CNTN4: variants seen among roughly 807,000 people sequenced by gnomAD.
The protein encoded by CNTN4 is contactin-4.
A neutral mutation model predicts 122.5 loss-of-function variants in CNTN4; 77 were observed. That is an observed-to-expected ratio of 0.63 (90% CI 0.52 to 0.76). The LOEUF (loss-of-function observed/expected upper bound fraction) is 0.76, where lower values mean the gene tolerates loss of function less well. Ranked by LOEUF, CNTN4 falls within the 30% of genes least tolerant of loss-of-function variation. The pLI, the probability that CNTN4 is intolerant of heterozygous loss-of-function variation, is 0.00. For synonymous variants in CNTN4, 512 were observed against 447.0 expected, an observed-to-expected ratio of 1.15 and a Z score of -1.83; for missense variants, 1,256 against 1,259.1, an observed-to-expected ratio of 1.00 and a Z score of 0.04.
intron 6 of CNTN4, among the ~76,000 whole-genome samples, chr3:2,771,562 G>T (rs1291163450): frequency 1.3e-5 from 2 of 152,032 alleles, no homozygotes; most frequent in African/African-American, 4.8e-5. Context: ...AGTATCAATG[G>T]CCATTTTAAG....
intron 4 of CNTN4, among the ~76,000 whole-genome samples, chr3:2,668,799 T>C (rs2084324754): frequency 6.6e-6 from 1 of 152,232 alleles, no homozygotes; most frequent in Admixed American, 6.5e-5. Flanking sequence ...GTTTTTAGCA[T>C]GAAGGGCTGT....
At chr3:2,550,865 C>G (rs1013489663) in intron 3 of CNTN4, among the ~76,000 whole-genome samples, 15 of 152,070 alleles carry the variant, frequency 9.9e-5, no homozygotes, top group African/African-American at 3.1e-4. Context: ...AAACCAAACA[C>G]CACATGTTAT....
chr3:2,252,240 A>G (rs1172484348), intron 2 of CNTN4, among the ~76,000 whole-genome samples: 1 of 152,012 alleles, frequency 6.6e-6, no homozygotes, highest in Non-Finnish European at 1.5e-5. Context: ...AAAGTTTTTT[A>G]TTATAATGTA....
chr3:2,553,651 G>A (rs1039111348), intron 3 of CNTN4, among the ~76,000 whole-genome samples: 1 of 152,104 alleles, frequency 6.6e-6, no homozygotes, highest in Non-Finnish European at 1.5e-5. Flanking sequence ...CAGTATTTTT[G>A]GGGGAGATGG....
rs1262759822 is a variant in CNTN4, at chr3:2,900,743, C to T, written c.999C>T (p.Val333=). ...TTCACGTGGCCATGGAAGAAAATGT[C>T]TTTTGGGAATGTAAAGCAAATGGAA... ...NDIHVAMEEN[V]FWECKANGRP... is the part of the protein sequence containing the mutation. The change falls in exon 11 of 25, where the codon GTC becomes GTT. Residue 333 remains valine (V), a synonymous_variant. Coordinates refer to ENST00000418658, the MANE Select transcript of CNTN4 (RefSeq NM_175607.3). 6.2e-7 allele frequency: 1 copy of T among 1,613,912 alleles called. No individual in the cohort carries two copies. The highest frequency in any genetic ancestry group is 2.2e-5 in the East Asian group (1 of 44,878).
intron 10 of CNTN4, among the ~76,000 whole-genome samples, chr3:2,895,073 C>T (rs1436551779): frequency 1.3e-5 from 2 of 152,056 alleles, no homozygotes; most frequent in Non-Finnish European, 2.9e-5. Context: ...GATCTCAGCT[C>T]ACCGTGATTC....
chr3:2,470,682 CT>C (rs1310841095), intron 3 of CNTN4, among the ~76,000 whole-genome samples: 2 of 152,290 alleles, frequency 1.3e-5, no homozygotes, highest in African/African-American at 4.8e-5. Context: ...CTCTAATAGT[CT>C]CTAACCCATA....
At chr3:2,310,234 C>G (rs1462543647) in intron 2 of CNTN4, among the ~76,000 whole-genome samples, 1 of 152,096 alleles carries the variant, frequency 6.6e-6, no homozygotes, top group African/African-American at 2.4e-5. Flanking sequence ...TTATTGGGTG[C>G]TTTTCAAGTT....
chr3:2,864,842 G>A (rs570913012), intron 7 of CNTN4, among the ~76,000 whole-genome samples: 70 of 148,070 alleles, frequency 4.7e-4, no homozygotes, highest in Non-Finnish European at 8.9e-4. Flanking sequence ...CTTCCATCAT[G>A]TGACTTTGGA....
intron 2 of CNTN4, among the ~76,000 whole-genome samples, chr3:2,293,831 T>G (rs1210239825): frequency 1.3e-5 from 2 of 152,172 alleles, no homozygotes; most frequent in African/African-American, 4.8e-5. Context: ...GCAGTTCTCT[T>G]GGTATTGGGT....
At chr3:2,613,275 C>T (rs185113715) in intron 4 of CNTN4, among the ~76,000 whole-genome samples, 286 of 152,174 alleles carry the variant, frequency 1.9e-3, no homozygotes, top group Non-Finnish European at 3.4e-3. Context: ...TGTTTCTTCT[C>T]GCTTCTCATT....
At chr3:2,786,249 C>T (rs73807941) in intron 6 of CNTN4, among the ~76,000 whole-genome samples, 6,064 of 152,196 alleles carry the variant, frequency 0.04, 245 homozygotes, top group African/African-American at 0.1. Context: ...GTGCAAGAGG[C>T]TGTCACACTG....
intron 19 of CNTN4, chr3:3,039,270 A>G: frequency 2.5e-6 from 1 of 394,472 alleles, no homozygotes; most frequent in Non-Finnish European, 4.7e-6. Context: ...AAAATAAAGA[A>G]GGCTGTTTCA....
At chr3:2,621,554 G>A (rs4685534) in intron 4 of CNTN4, among the ~76,000 whole-genome samples, 28,584 of 151,726 alleles carry the variant, frequency 0.19, 2,999 homozygotes, top group Admixed American at 0.33. Context: ...GTAGATGACC[G>A]GTTGATGGGT....
chr3:3,039,932 G>T, intron 19 of CNTN4, 105 bp from the exon 20 acceptor site: 2 of 787,362 alleles, frequency 2.5e-6, no homozygotes, highest in Non-Finnish European at 4.5e-6. Context: ...AAATAAGATG[G>T]GTGGAGAAGG....
intron 2 of CNTN4, among the ~76,000 whole-genome samples, chr3:2,270,476 G>A (rs997492760): frequency 6.8e-6 from 1 of 147,392 alleles, no homozygotes; most frequent in Non-Finnish European, 1.5e-5. Context: ...ATATGGGATT[G>A]CCTTATGTTA....
intron 4 of CNTN4, among the ~76,000 whole-genome samples, chr3:2,592,126 C>G (rs1398380227): frequency 3.3e-5 from 5 of 152,084 alleles, no homozygotes; most frequent in Non-Finnish European, 7.4e-5. Context: ...AGCAGTCCTC[C>G]CTCCCCAGCC....
intron 2 of CNTN4, among the ~76,000 whole-genome samples, chr3:2,302,114 CACTATTA>C (rs1396285937): frequency 6.6e-6 from 1 of 152,076 alleles, no homozygotes; most frequent in Non-Finnish European, 1.5e-5. Flanking sequence ...TGAAGGAAGG[CACTATTA>C]ACTTTGACTT....
chr3:2,251,779 A>G (rs928319222), intron 2 of CNTN4, among the ~76,000 whole-genome samples: 1 of 151,570 alleles, frequency 6.6e-6, no homozygotes, highest in African/African-American at 2.4e-5. Flanking sequence ...TTTTCTGTAC[A>G]TTACACACCA....
Sources: allele counts gnomAD v4.1 joint callset (sites outside exome capture counted in the v4.1 genomes callset), GRCh38; gene constraint gnomAD v4.1.1; transcripts MANE v1.5; gene names NCBI Gene and HGNC (gene_info 2026-07-23, HGNC 2026-07-21).